The following PAXIP1 variants were observed in gnomAD, a reference collection of about 807,000 sequenced individuals.
The protein encoded by PAXIP1 is PAX-interacting protein 1.
In PAXIP1, 19 loss-of-function variants were observed where a neutral mutation model predicts 140.6. The ratio of observed to expected loss-of-function variants is 0.14; its 90% CI spans 0.09 to 0.20. The LOEUF is 0.20. Among genes scored for constraint, PAXIP1 ranks in the 10% least tolerant of loss-of-function variants. PAXIP1 has a pLI of 1.00. For missense variants in PAXIP1, 920 were observed against 1,208.6 expected (o/e 0.76, Z 3.54); for synonymous variants, 442 against 444.6 (o/e 0.99, Z 0.07).
intron 6 of PAXIP1, among the ~76,000 whole-genome samples, chr7:154,975,389 A>G (rs370969812): frequency 7.7e-4 from 118 of 152,300 alleles, no homozygotes; most frequent in African/African-American, 2.8e-3. Flanking sequence ...ATTTTAAACT[A>G]AGTAAGAGTG....
intron 13 of PAXIP1, among the ~76,000 whole-genome samples, chr7:154,957,739 G>C (rs529838671): frequency 6.6e-6 from 1 of 151,124 alleles, no homozygotes; most frequent in Non-Finnish European, 1.5e-5. Flanking sequence ...AGGCCGAGGC[G>C]GGTGGATCAT....
intron 16 of PAXIP1, chr7:154,951,568 G>A (rs539236218): frequency 6.6e-6 from 1 of 152,290 alleles, no homozygotes; most frequent in East Asian, 1.9e-4. Flanking sequence ...TGTTTTCTCA[G>A]TATTAAATGT....
chr7:154,945,779 A>G, intron 20 of PAXIP1: 1 of 985,102 alleles, frequency 1.0e-6, no homozygotes, highest in Non-Finnish European at 1.2e-6. Flanking sequence ...CTACATTAAA[A>G]TAATAATTCA....
At chr7:154,980,893 T>C (rs1343385764) in intron 5 of PAXIP1, among the ~76,000 whole-genome samples, 2 of 152,058 alleles carry the variant, frequency 1.3e-5, no homozygotes, top group South Asian at 2.1e-4. Flanking sequence ...CACTTAGAGG[T>C]TGAGGTGGGC....
chr7:154,947,018 G>T (rs1021330481), intron 17 of PAXIP1: 11 of 475,556 alleles, frequency 2.3e-5, no homozygotes, highest in African/African-American at 2.1e-4. Flanking sequence ...ATTTTCACAT[G>T]TTAAGTATGC....
intron 4 of PAXIP1, among the ~76,000 whole-genome samples, chr7:154,990,732 T>A (rs969936194): frequency 6.6e-5 from 10 of 152,238 alleles, no homozygotes; most frequent in African/African-American, 2.4e-4. Context: ...TGAATTTTCC[T>A]TGTCATCTTT....
At position 154,993,707 on chromosome 7, in the gene PAXIP1, C is replaced by G. The variant is rs372785208; in HGVS notation, c.260+19G>C. ...CAGAGTTACCCTTTCCCTCCTCCCC[C>G]ACTCAAAAAAAAGGATACGGCAGAA... On this transcript the variant is annotated intron_variant, in intron 3 of 20. Transcript: ENST00000404141. 2.1e-5 allele frequency: 33 copies of G among 1,574,828 alleles called. No homozygotes were observed. Among genetic ancestry groups the G allele is most frequent in the East Asian group, 4.6e-5 (2 of 43,414 alleles).
rs1371578779 is a variant in PAXIP1, at chr7:154,993,918, T to C, written c.217-149A>G. On this transcript the variant is annotated intron_variant, in intron 2 of 20. Coordinates refer to ENST00000404141, the MANE Select transcript of PAXIP1 (RefSeq NM_007349.4). ...AGTATGAATATTCAAATAGAAATATTATAGTCAAAGATTAGTTACTAATAC... is the reference window on the plus strand; with the variant it reads ...AGTATGAATATTCAAATAGAAATATCATAGTCAAAGATTAGTTACTAATAC... 4 of 625,786 alleles carry C rather than the reference T, an allele frequency of 6.4e-6. No homozygotes were observed. In the East Asian group the frequency reaches 8.5e-5, roughly 13 times the overall value. 38.8% of individuals were successfully genotyped at this position (625,786 alleles called of 1,614,324 possible). A position where few individuals can be genotyped will look rare whatever the true frequency, so the allele number is the denominator to read the frequency against.
At position 154,977,977 on chromosome 7, in the gene PAXIP1, G is replaced by A. The variant is rs186447213; in HGVS notation, c.439-1646C>T. ...ACCAAACTTTTTAATGTACATTTTC[G>A]AACGCAGACCAAATTAGAGACTAGT... On this transcript the variant is annotated intron_variant, in intron 5 of 20. Transcript: ENST00000404141. 1.8e-4 allele frequency among the ~76,000 whole-genome samples: 26 copies of A among 141,866 alleles called. No homozygotes were observed. The East Asian group carries it at 3.5e-3, about 19-fold the overall frequency. 93.1% of individuals were successfully genotyped at this position (141,866 alleles called of 152,430 possible).
rs1808008069 is a variant in PAXIP1, at chr7:154,946,920, T to C, written c.2923-107A>G. 2 of 801,676 alleles carry C rather than the reference T, an allele frequency of 2.5e-6. No homozygotes were observed. Among genetic ancestry groups the C allele is most frequent in the African/African-American group, 1.7e-5 (1 of 57,780 alleles). The allele number at this position is 801,676 out of a possible 1,614,324, so 49.7% of individuals were successfully genotyped here. On this transcript the variant is annotated intron_variant, in intron 17 of 20. Coordinates refer to ENST00000404141, the MANE Select transcript of PAXIP1 (RefSeq NM_007349.4). The surrounding 1 kb of genome is among the most constrained non-coding windows in gnomAD (Gnocchi z 4.9). The stretch of plus-strand genomic sequence containing the variant: ...TGAGATTTTTGACAAAATTTCAAAT[T>C]TTATGACATTATGAAGGTACTATTC...
chr7:154,960,518 A>C (rs915536705), intron 12 of PAXIP1, among the ~76,000 whole-genome samples: 11 of 152,218 alleles, frequency 7.2e-5, no homozygotes, highest in Non-Finnish European at 2.9e-5. Context: ...GAGTTCATCA[A>C]AAGCAAACAA....
chr7:155,001,456 G>C (rs892138686), intron 1 of PAXIP1: 1 of 151,458 alleles, frequency 6.6e-6, no homozygotes, highest in Non-Finnish European at 1.5e-5. Context: ...TCATCGCTCC[G>C]TGTTCAGCAA....
Position 154,947,917 on chromosome 7 carries a change from A to C in PAXIP1, c.2908T>G (p.Ser970Ala). 2 of 1,609,796 alleles carry C rather than the reference A, an allele frequency of 1.2e-6. No homozygotes were observed. Among genetic ancestry groups the C allele is most frequent in the Non-Finnish European group, 1.7e-6 (2 of 1,176,060 alleles). Residue 970 changes from serine to alanine, a missense_variant, in exon 17 of 21, where the codon TCT (serine) becomes GCT (alanine). Ser to Ala is a moderately conservative substitution (Grantham distance 99, BLOSUM62 1). Transcript: ENST00000404141. ...LEESLKRAHV[S>A]PLFKAKYFYI... is the part of the protein sequence containing the mutation. The stretch of plus-strand genomic sequence containing the variant: ...TTAAAGTGTACCTTAAAGAGTGGAG[A>C]AACGTGTGCCCGTTTTAAGGATTCT...
chr7:154,987,479 A>G (rs760301779), intron 4 of PAXIP1, among the ~76,000 whole-genome samples: 51 of 152,028 alleles, frequency 3.4e-4, no homozygotes, highest in Non-Finnish European at 6.6e-4. Context: ...AAATCTCTCT[A>G]CCAATGCGTG....
At position 154,975,678 on chromosome 7, in the gene PAXIP1, TCGGAAAGAG is replaced by T. The variant is rs1585064323; in HGVS notation, c.1074+9_1074+17del. ...CTAAGATCCAATACTGACATTTTTT[TCGGAAAGAG>T]TGACTTACATGTGCTACATTTGATG... is the stretch of plus-strand genomic sequence containing the variant. On this transcript the variant is annotated intron_variant, in intron 6 of 20. Coordinates refer to ENST00000404141, the MANE Select transcript of PAXIP1 (RefSeq NM_007349.4). The T allele has an allele frequency of 6.5e-7, 1 of 1,532,308 alleles. No individual in the cohort carries two copies. 94.9% of individuals were successfully genotyped at this position (1,532,308 alleles called of 1,614,324 possible).
At chr7:154,944,909 A>G (rs1807864301) in intron 20 of PAXIP1, 1 of 152,008 alleles carries the variant, frequency 6.6e-6, no homozygotes, top group Non-Finnish European at 1.5e-5. Context: ...ACCAAGCCTC[A>G]TTCCAACTAG....
chr7:154,948,050 G>T, intron 16 of PAXIP1, 47 bp from the exon 17 acceptor site: 1 of 1,286,512 alleles, frequency 7.8e-7, no homozygotes, highest in Non-Finnish European at 1.1e-6. Context: ...GACACGTGAA[G>T]TGTGGCAAGT....
At chr7:154,995,368 C>T (rs528387889) in intron 2 of PAXIP1, among the ~76,000 whole-genome samples, 1 of 152,182 alleles carries the variant, frequency 6.6e-6, no homozygotes, top group Non-Finnish European at 1.5e-5. Flanking sequence ...TAGGGTATCC[C>T]AGTTTAAAGA....
At chr7:155,003,395 C>G (rs1230114898), upstream of PAXIP1, 2 of 152,110 alleles carry the variant, frequency 1.3e-5, no homozygotes, top group African/African-American at 4.8e-5. Context: ...TGGCAGGCCC[C>G]TCCCGTCGCC....
Sources: gnomAD v4.1 joint callset for allele counts (sites outside exome capture counted in the v4.1 genomes callset) on GRCh38, gnomAD v4.1.1 for gene constraint, Gnocchi (gnomAD v3.1) non-coding constraint, MANE v1.5 for transcripts, NCBI Gene and HGNC (gene_info 2026-07-23, HGNC 2026-07-21) for gene names.